CCDC180: variants seen among roughly 807,000 people sequenced by gnomAD.
The protein encoded by CCDC180 is coiled-coil domain-containing protein 180.
In CCDC180, 154 loss-of-function variants were observed where a neutral mutation model predicts 209.2. That is an observed-to-expected ratio of 0.74 (90% CI 0.65 to 0.84). The LOEUF is 0.84. Among genes scored for constraint, CCDC180 ranks in the 40% least tolerant of loss-of-function variants. The pLI, the probability that CCDC180 is intolerant of heterozygous loss-of-function variation, is 0.00. For synonymous variants in CCDC180, 778 were observed against 749.1 expected (o/e 1.04, Z -0.63); for missense variants, 1,874 against 1,997.3 (o/e 0.94, Z 1.18).
In CCDC180 at chr9:97,366,345, C is replaced by T. The variant is rs1022712069; in HGVS notation, c.4048-214C>T. 4.6e-5 allele frequency among the ~76,000 whole-genome samples: 7 copies of T among 152,158 alleles called. No homozygotes were observed. The highest frequency in any genetic ancestry group is 1.4e-4 in the African/African-American group (6 of 41,426). On this transcript the variant is annotated intron_variant, in intron 30 of 36. Transcript: ENST00000529487. This position sits in a 1 kb window ranked among gnomAD's most constrained non-coding sequence, Gnocchi z 4.3. ...TGCCAGTCACTCATTCAGGAAATAA[C>T]GAGGGCTGGCCATGGCTCCACTCAC...
rs763573573 is a variant in CCDC180, at chr9:97,376,871, A to G, written c.4951A>G (p.Thr1651Ala). 13 of 1,612,528 alleles carry G rather than the reference A, an allele frequency of 8.1e-6. No homozygotes were observed. In the African/African-American group the frequency reaches 9.3e-5, roughly 12 times the overall value. ...GGACAGCTGGAAGCAGTCCCTGCAC[A>G]CTATCCAAGGCCTGTATGTGTGACC... Reference protein sequence around the residue: ...WKDSWKQSLHTIQGLYV With the variant: ...WKDSWKQSLHAIQGLYV Residue 1651 changes from threonine to alanine, a missense_variant, in exon 37 of 37, where the codon ACT becomes GCT. Physicochemically the swap from Thr to Ala is moderately conservative, Grantham distance 58 (BLOSUM62 0). Coordinates refer to ENST00000529487, the MANE Select transcript of CCDC180 (RefSeq NM_020893.6).
intron 31 of CCDC180, among the ~76,000 whole-genome samples, chr9:97,368,562 A>G (rs1826989922): frequency 6.6e-6 from 1 of 152,222 alleles, no homozygotes; most frequent in African/African-American, 2.4e-5. Context: ...AACTCCAAAG[A>G]GAAATCCAGA....
chr9:97,317,237 C>A lies in CCDC180; in HGVS notation c.959+9C>A. ...CTGCTGCAGAGTTTCAGGTCAGTGC[C>A]GCCCACACAGCTCCTTCTCCAGCCC... On this transcript the variant is annotated intron_variant, in intron 9 of 36. Coordinates refer to ENST00000529487, the MANE Select transcript of CCDC180 (RefSeq NM_020893.6). 1 of 1,561,214 alleles carries A rather than the reference C, an allele frequency of 6.4e-7. No individual in the cohort carries two copies. Among genetic ancestry groups the A allele is most frequent in the Non-Finnish European group, 8.7e-7 (1 of 1,144,426 alleles).
intron 2 of CCDC180, among the ~76,000 whole-genome samples, chr9:97,309,035 T>TAAA (rs967182871): frequency 2.6e-5 from 4 of 152,238 alleles, no homozygotes; most frequent in African/African-American, 9.6e-5. Context: ...CCTCAGGTTA[T>TAAA]AAAAAATTAT....
chr9:97,324,009 G>A lies in CCDC180; in HGVS notation c.1371+106G>A, dbSNP rs147845499. The A allele has an allele frequency of 1.9e-5, 25 of 1,334,642 alleles. No individual in the cohort carries two copies. In the African/African-American group the frequency reaches 3.5e-4, roughly 19 times the overall value. The allele number at this position is 1,334,642 out of a possible 1,614,324, so 82.7% of individuals were successfully genotyped here. On this transcript the variant is annotated intron_variant, in intron 13 of 36. Transcript: ENST00000529487. ...AAGAACTCCAACTTGCATGTTCCTA[G>A]TGTGTCCGCTCACCCTTGTCAGCCC...
chr9:97,337,838 C>T (rs921109512), intron 18 of CCDC180, among the ~76,000 whole-genome samples: 1 of 152,184 alleles, frequency 6.6e-6, no homozygotes, highest in Non-Finnish European at 1.5e-5. Context: ...GCCTCAATTT[C>T]AGAGCCTGTT....
intron 19 of CCDC180, among the ~76,000 whole-genome samples, chr9:97,346,981 G>A (rs1460480853): frequency 6.6e-6 from 1 of 152,158 alleles, no homozygotes; most frequent in African/African-American, 2.4e-5. Context: ...TGGAGAAATA[G>A]GAACATTGCT....
At position 97,318,649 on chromosome 9, in the gene CCDC180, C is replaced by T. The variant is rs1468090910; in HGVS notation, c.1079+67C>T. Reference sequence around the variant, plus strand: ...GTGCAGTGAGGGAGGCAGAAGTGGCCTGCAGTCTGTCCCCCAAGGCATCCT... The same window carrying T: ...GTGCAGTGAGGGAGGCAGAAGTGGCTTGCAGTCTGTCCCCCAAGGCATCCT... On this transcript the variant is annotated intron_variant, in intron 10 of 36. Coordinates refer to ENST00000529487, the MANE Select transcript of CCDC180 (RefSeq NM_020893.6). 2.5e-6 allele frequency: 4 copies of T among 1,583,698 alleles called. No homozygotes were observed. In the South Asian group the frequency reaches 4.5e-5, roughly 18 times the overall value.
chr9:97,335,084 C>G (rs966305650), intron 18 of CCDC180, among the ~76,000 whole-genome samples: 2 of 152,154 alleles, frequency 1.3e-5, no homozygotes, highest in African/African-American at 4.8e-5. Flanking sequence ...TACACCCAGC[C>G]TGTTTTATTT....
At chr9:97,352,583 G>A (rs571573752) in intron 22 of CCDC180, among the ~76,000 whole-genome samples, 28 of 152,298 alleles carry the variant, frequency 1.8e-4, no homozygotes, top group Middle Eastern at 3.4e-3. Flanking sequence ...GAAGTTCAAA[G>A]CAGCACATTT....
intron 16 of CCDC180, 96 bp downstream of exon 16, chr9:97,328,242 C>A: frequency 7.3e-7 from 1 of 1,367,548 alleles, no homozygotes. Context: ...GAAAGCCATT[C>A]CTAATGCTGC....
intron 9 of CCDC180, 99 bp from the exon 10 acceptor site, chr9:97,318,364 C>T: frequency 7.0e-7 from 1 of 1,422,388 alleles, no homozygotes; most frequent in Non-Finnish European, 9.5e-7. Flanking sequence ...GGAAGGAGTG[C>T]TGAGGCTCTG....
chr9:97,365,618 C>T (rs1826895766), intron 29 of CCDC180, 55 bp from the exon 30 acceptor site: 1 of 1,514,830 alleles, frequency 6.6e-7, no homozygotes, highest in Admixed American at 1.7e-5. Context: ...TGGTTTTGTC[C>T]ATGTTTGTGT....
intron 23 of CCDC180, 31 bp downstream of exon 23, chr9:97,354,744 C>G: frequency 1.9e-6 from 3 of 1,613,842 alleles, no homozygotes; most frequent in Non-Finnish European, 8.5e-7. Context: ...CCAGGCCAAC[C>G]GGTTCCACAG....
chr9:97,324,942 G>T lies in CCDC180; in HGVS notation c.1372-77G>T, dbSNP rs140836287. The T allele has an allele frequency of 5.0e-4, 685 of 1,376,808 alleles. 2 individuals are homozygous for T. In the African/African-American group the frequency reaches 8.6e-3, roughly 17 times the overall value. The allele number at this position is 1,376,808 out of a possible 1,614,324, so 85.3% of individuals were successfully genotyped here. ...TACTGTTCAGTCGTTAGAGACAGGG[G>T]GTCCCACAGGTGGGCCCTCTTCTTG... is the stretch of plus-strand genomic sequence containing the variant. On this transcript the variant is annotated intron_variant, in intron 13 of 36. Transcript: ENST00000529487.
intron 11 of CCDC180, 91 bp from the exon 12 acceptor site, chr9:97,322,741 TG>T: frequency 9.6e-7 from 1 of 1,036,362 alleles, no homozygotes; most frequent in Non-Finnish European, 1.5e-6. Context: ...AATGTTGCTG[TG>T]GAGGCATTTT....
chr9:97,314,833 G>A lies in CCDC180; in HGVS notation c.700-18G>A, dbSNP rs1486688393. 6.2e-7 allele frequency: 1 copy of A among 1,609,900 alleles called. No individual in the cohort carries two copies. The highest frequency in any genetic ancestry group is 8.5e-7 in the Non-Finnish European group (1 of 1,176,100). Reference sequence around the variant, plus strand: ...TCCAGGAAGTGAGCCACTAAGTATGGTGCCTTGTCATTTCTAGCTAAAAAG... The same window carrying A: ...TCCAGGAAGTGAGCCACTAAGTATGATGCCTTGTCATTTCTAGCTAAAAAG... On this transcript the variant is annotated intron_variant, in intron 7 of 36. Coordinates refer to ENST00000529487, the MANE Select transcript of CCDC180 (RefSeq NM_020893.6).
At position 97,330,475 on chromosome 9, in the gene CCDC180, T is replaced by C. The variant is rs756122465; in HGVS notation, c.1982T>C (p.Met661Thr). ...EEVEEENDQEMESFITEEVLG... is the reference protein window; with the variant it reads ...EEVEEENDQETESFITEEVLG... The stretch of plus-strand genomic sequence containing the variant: ...GTGGAAGAAGAAAACGATCAAGAAA[T>C]GGAGTCCTTCATAACTGAAGAGGTG... Residue 661 changes from methionine (M) to threonine (T), a missense_variant, in exon 18 of 37, where the codon ATG (methionine) becomes ACG (threonine). Met to Thr is a moderately conservative substitution (Grantham distance 81, BLOSUM62 -1). Transcript: ENST00000529487. 1 of 1,614,014 alleles carries C rather than the reference T, an allele frequency of 6.2e-7. No homozygotes were observed. Among genetic ancestry groups the C allele is most frequent in the Non-Finnish European group, 8.5e-7 (1 of 1,180,016 alleles).
At chr9:97,367,082 C>T (rs1296271655) in intron 31 of CCDC180, among the ~76,000 whole-genome samples, 1 of 152,112 alleles carries the variant, frequency 6.6e-6, no homozygotes, top group African/African-American at 2.4e-5. Context: ...ATTTTAGAAA[C>T]CCCATCCCCT....
Sources: gnomAD v4.1 joint callset for allele counts (sites outside exome capture counted in the v4.1 genomes callset) on GRCh38, gnomAD v4.1.1 for gene constraint, Gnocchi (gnomAD v3.1) non-coding constraint, MANE v1.5 for transcripts, NCBI Gene and HGNC (gene_info 2026-07-23, HGNC 2026-07-21) for gene names.